Variants in MLLT10 observed in about 807,000 individuals in gnomAD.
The protein encoded by MLLT10 is MLLT10 histone lysine methyltransferase DOT1L cofactor.
Under a neutral mutation model 129.1 loss-of-function variants are expected in MLLT10, and 30 were observed. The observed-to-expected ratio is 0.23, with a 90% CI of 0.17 to 0.32. The LOEUF is 0.32. Ranked by LOEUF, MLLT10 falls within the 10% of genes least tolerant of loss-of-function variation. The pLI is 1.00. For missense variants in MLLT10, 1,119 were observed against 1,268.3 expected, an observed-to-expected ratio of 0.88 and a Z score of 1.79; for synonymous variants, 490 against 446.4, an observed-to-expected ratio of 1.10 and a Z score of -1.23.
At chr10:21,593,177 C>T (rs1162330829) in intron 4 of MLLT10, among the ~76,000 whole-genome samples, 2 of 151,962 alleles carry the variant, frequency 1.3e-5, no homozygotes, top group Non-Finnish European at 1.5e-5. Flanking sequence ...TCACAGCAAC[C>T]TTCAACTCTT....
intron 9 of MLLT10, among the ~76,000 whole-genome samples, chr10:21,665,595 G>A (rs556901059): frequency 6.6e-6 from 1 of 151,792 alleles, no homozygotes; most frequent in African/African-American, 2.4e-5. Flanking sequence ...GCCAAAATAG[G>A]TTTTTTTAAG....
At chr10:21,585,486 G>A (rs1445989493) in intron 3 of MLLT10, among the ~76,000 whole-genome samples, 6 of 152,142 alleles carry the variant, frequency 3.9e-5, no homozygotes, top group Non-Finnish European at 8.8e-5. Flanking sequence ...ATTCCTTTCA[G>A]AAGGGAAATC....
intron 8 of MLLT10, among the ~76,000 whole-genome samples, chr10:21,617,733 C>G (rs1393394338): frequency 6.6e-6 from 1 of 152,102 alleles, no homozygotes; most frequent in East Asian, 1.9e-4. Context: ...ACTAATCTGT[C>G]TTTTTCTGAC....
intron 3 of MLLT10, among the ~76,000 whole-genome samples, chr10:21,565,217 A>G (rs1405141868): frequency 1.3e-5 from 2 of 151,990 alleles, no homozygotes; most frequent in Non-Finnish European, 2.9e-5. Flanking sequence ...TAATGTTTGC[A>G]TCATATACCT....
chr10:21,543,354 C>T (rs577765159), intron 3 of MLLT10, among the ~76,000 whole-genome samples: 2 of 152,292 alleles, frequency 1.3e-5, no homozygotes, highest in South Asian at 4.1e-4. Flanking sequence ...CTCCTGACCT[C>T]AGGTGATCCA....
chr10:21,628,007 T>G (rs1279873380), intron 8 of MLLT10, among the ~76,000 whole-genome samples: 1 of 152,200 alleles, frequency 6.6e-6, no homozygotes, highest in African/African-American at 2.4e-5. Context: ...TTCTTCCAAT[T>G]TTCAGTTACC....
At chr10:21,548,225 T>G (rs2036417676) in intron 3 of MLLT10, among the ~76,000 whole-genome samples, 1 of 152,102 alleles carries the variant, frequency 6.6e-6, no homozygotes, top group Admixed American at 6.5e-5. Context: ...GAGGACTCAG[T>G]GTCCTTCCAT....
intron 13 of MLLT10, among the ~76,000 whole-genome samples, chr10:21,684,623 A>T (rs2053100185): frequency 6.6e-6 from 1 of 152,170 alleles, no homozygotes; most frequent in African/African-American, 2.4e-5. Flanking sequence ...CCTAACCTTC[A>T]TTCCATTATC....
At chr10:21,569,813 G>A (rs2040005738) in intron 3 of MLLT10, among the ~76,000 whole-genome samples, 1 of 152,088 alleles carries the variant, frequency 6.6e-6, no homozygotes, top group African/African-American at 2.4e-5. Context: ...CACAATCATG[G>A]CTCACTATGG....
intron 11 of MLLT10, 127 bp from the exon 12 acceptor site, chr10:21,681,205 G>A: frequency 8.5e-7 from 1 of 1,179,862 alleles, no homozygotes; most frequent in Non-Finnish European, 1.2e-6. Context: ...TGTTTTTGAA[G>A]TTCTAGGTGG....
At chr10:21,586,437 C>A in intron 4 of MLLT10, 89 bp downstream of exon 4, 3 of 1,011,386 alleles carry the variant, frequency 3.0e-6, no homozygotes, top group Non-Finnish European at 4.4e-6. Flanking sequence ...TTTATTTTAT[C>A]AAATTAAACA....
At chr10:21,661,174 C>G (rs1267949602) in intron 9 of MLLT10, among the ~76,000 whole-genome samples, 2 of 152,142 alleles carry the variant, frequency 1.3e-5, no homozygotes, top group Admixed American at 1.3e-4. Flanking sequence ...TGTATGATTT[C>G]TATTCTTTAA....
intron 9 of MLLT10, among the ~76,000 whole-genome samples, chr10:21,665,541 G>A (rs1168363764): frequency 6.6e-6 from 1 of 151,840 alleles, no homozygotes; most frequent in East Asian, 1.9e-4. Context: ...ACCCTTCTCC[G>A]CCTCCCAAAC....
chr10:21,588,980 C>T (rs549755016), intron 4 of MLLT10, among the ~76,000 whole-genome samples: 6 of 151,996 alleles, frequency 3.9e-5, no homozygotes, highest in East Asian at 3.9e-4. Flanking sequence ...CACACCACCG[C>T]GCCCAGCTGA....
intron 3 of MLLT10, among the ~76,000 whole-genome samples, chr10:21,585,012 G>T (rs1262891612): frequency 6.6e-6 from 1 of 151,652 alleles, no homozygotes; most frequent in Non-Finnish European, 1.5e-5. Context: ...TGACCTTCTG[G>T]GCTCAATTGA....
rs754596411 is a variant in MLLT10 at position 21,611,162 on chromosome 10, ATTTTTTTT to A, written c.406-1175_406-1168del. On this transcript the variant is annotated intron_variant, in intron 5 of 22. Transcript: ENST00000307729. ...CAGGCATCTGCCACCATGCCCGGCT[ATTTTTTTT>A]TTTTTTTTTTGTAATTTTAGTACAG... is the stretch of plus-strand genomic sequence containing the variant. Among the ~76,000 whole-genome samples the A allele has an allele frequency of 2.6e-5, 3 of 115,502 alleles. No homozygotes were observed. The East Asian group carries it at 7.5e-4, about 29-fold the overall frequency. The allele number at this position is 115,502 out of a possible 152,430, so 75.8% of individuals were successfully genotyped here.
chr10:21,697,486 G>C (rs1383015923), intron 13 of MLLT10, among the ~76,000 whole-genome samples: 1 of 151,800 alleles, frequency 6.6e-6, no homozygotes, highest in Non-Finnish European at 1.5e-5. Context: ...ACCAAAAAAA[G>C]TTTGTTGATG....
At chr10:21,715,485 T>C (rs563025327) in intron 14 of MLLT10, among the ~76,000 whole-genome samples, 1 of 152,326 alleles carries the variant, frequency 6.6e-6, no homozygotes, top group South Asian at 2.1e-4. Context: ...GAATAGCTCC[T>C]ATAAATGGTT....
intron 8 of MLLT10, chr10:21,626,006 T>C (rs987415954): frequency 2.8e-6 from 3 of 1,088,140 alleles, no homozygotes; most frequent in Middle Eastern, 2.0e-4. Context: ...CCCACCATAC[T>C]TCCTCTGTCC....
Sources: allele counts gnomAD v4.1 joint callset (sites outside exome capture counted in the v4.1 genomes callset), GRCh38; gene constraint gnomAD v4.1.1; transcripts MANE v1.5; gene names NCBI Gene and HGNC (gene_info 2026-07-23, HGNC 2026-07-21).